Variants in ZNF385D observed in about 807,000 individuals in gnomAD.
ZNF385D encodes zinc finger protein 659.
Under a neutral mutation model 35.8 loss-of-function variants are expected in ZNF385D, and 15 were observed. The observed-to-expected ratio is 0.42, with a 90% CI of 0.28 to 0.64. The LOEUF (loss-of-function observed/expected upper bound fraction) is 0.64, where lower values mean the gene tolerates loss of function less well. Ranked by LOEUF, ZNF385D falls within the 30% of genes least tolerant of loss-of-function variation. The pLI is 0.23. For missense variants in ZNF385D, 474 were observed against 494.6 expected, an observed-to-expected ratio of 0.96 and a Z score of 0.39; for synonymous variants, 212 against 186.8, an observed-to-expected ratio of 1.13 and a Z score of -1.10.
chr3:21,785,299 A>C (rs951341959), intron 3 of ZNF385D, among the ~76,000 whole-genome samples: 27 of 152,180 alleles, frequency 1.8e-4, no homozygotes, highest in African/African-American at 6.5e-4. Flanking sequence ...TGATGATTTC[A>C]TATACATGCA....
chr3:22,095,612 CTA>C (rs1455513486), intron 3 of ZNF385D, among the ~76,000 whole-genome samples: 15 of 151,990 alleles, frequency 9.9e-5, no homozygotes, highest in Admixed American at 6.6e-5. Flanking sequence ...ACTAGTTTTT[CTA>C]TGACTTTTCC....
At chr3:22,154,161 G>A (rs990257567) in intron 3 of ZNF385D, among the ~76,000 whole-genome samples, 6 of 152,136 alleles carry the variant, frequency 3.9e-5, no homozygotes, top group African/African-American at 9.7e-5. Flanking sequence ...GGGTGTGGTT[G>A]TTTGGGTGCC....
At chr3:21,495,321 G>A (rs1705748102) in intron 4 of ZNF385D, among the ~76,000 whole-genome samples, 1 of 151,432 alleles carries the variant, frequency 6.6e-6, no homozygotes, top group South Asian at 2.1e-4. Flanking sequence ...CTAGAGAGCT[G>A]GCAGAGAAAT....
In ZNF385D at chr3:21,629,803, G is replaced by A. The variant is rs148729680; in HGVS notation, c.165+35083C>T. Among the ~76,000 whole-genome samples, 646 of 152,248 alleles carry A rather than the reference G, an allele frequency of 4.2e-3. 6 individuals carry two copies. The highest frequency in any genetic ancestry group is 0.015 in the African/African-American group (606 of 41,548). ...TTTTTAATATCTAGTCATGGATTAA[G>A]CAGAAAGAGGCAAAACTGGAACACA... On this transcript the variant is annotated intron_variant, in intron 2 of 7. Coordinates refer to ENST00000281523, the MANE Select transcript of ZNF385D (RefSeq NM_024697.3).
chr3:22,162,578 C>T (rs1343075520), intron 3 of ZNF385D, among the ~76,000 whole-genome samples: 1 of 152,144 alleles, frequency 6.6e-6, no homozygotes, highest in Admixed American at 6.6e-5. Context: ...GACAGCCCTA[C>T]CTGCCATGCT....
At chr3:21,741,974 G>A (rs73822040) in intron 1 of ZNF385D, among the ~76,000 whole-genome samples, 1 of 152,146 alleles carries the variant, frequency 6.6e-6, no homozygotes, top group African/African-American at 2.4e-5. Context: ...ATGAAGTAAC[G>A]AAATGCTTCT....
chr3:22,215,227 G>A (rs12490313), intron 2 of ZNF385D, among the ~76,000 whole-genome samples: 53,935 of 151,804 alleles, frequency 0.36, 9,978 homozygotes, highest in African/African-American at 0.44. Flanking sequence ...TGAACAATAC[G>A]AAATCTGGGC....
chr3:21,767,331 C>A (rs1245325461), intron 3 of ZNF385D, among the ~76,000 whole-genome samples: 1 of 151,694 alleles, frequency 6.6e-6, no homozygotes, highest in Non-Finnish European at 1.5e-5. Flanking sequence ...CTCATTCTTT[C>A]TCCTTTTAGC....
At chr3:22,320,251 C>T (rs1408824405) in intron 2 of ZNF385D, among the ~76,000 whole-genome samples, 1 of 152,062 alleles carries the variant, frequency 6.6e-6, no homozygotes, top group Non-Finnish European at 1.5e-5. Flanking sequence ...AGTTGCTCTG[C>T]AGCTGATTAA....
intron 2 of ZNF385D, among the ~76,000 whole-genome samples, chr3:22,295,330 G>A (rs1305072201): frequency 3.9e-5 from 6 of 152,142 alleles, no homozygotes; most frequent in Admixed American, 3.9e-4. Flanking sequence ...CACATGAGAT[G>A]TAGAATAGGC....
At chr3:22,166,226 T>A (rs1706319303) in intron 3 of ZNF385D, among the ~76,000 whole-genome samples, 2 of 128,664 alleles carry the variant, frequency 1.6e-5, no homozygotes, top group South Asian at 5.0e-4. Flanking sequence ...CTGAAAATGT[T>A]CTTACTAACA....
intron 3 of ZNF385D, among the ~76,000 whole-genome samples, chr3:22,087,917 C>T (rs891095645): frequency 6.6e-6 from 1 of 152,020 alleles, no homozygotes; most frequent in African/African-American, 2.4e-5. Flanking sequence ...CTCATGTTTC[C>T]TTTTATCAAC....
chr3:22,163,566 G>T (rs944871398), intron 3 of ZNF385D, among the ~76,000 whole-genome samples: 1 of 152,076 alleles, frequency 6.6e-6, no homozygotes, highest in African/African-American at 2.4e-5. Flanking sequence ...AATAGACTAT[G>T]CCTCAAGGCA....
In ZNF385D at chr3:22,194,557, A is replaced by G. The variant is rs886319751; in HGVS notation, c.107-25522T>C. On this transcript the variant is annotated intron_variant, in intron 2 of 5. Transcript: ENST00000494108. ...AGTAAAATTCACTGTCATTTTTGTA[A>G]AATTCCATAAATTTTAACATATATT... Among the ~76,000 whole-genome samples the G allele has an allele frequency of 3.3e-5, 5 of 151,810 alleles. No homozygotes were observed. The South Asian group carries it at 6.2e-4, about 19-fold the overall frequency.
intron 2 of ZNF385D, among the ~76,000 whole-genome samples, chr3:22,192,329 A>T (rs1436119784): frequency 6.6e-6 from 1 of 152,178 alleles, no homozygotes; most frequent in East Asian, 1.9e-4. Context: ...GTAGCCTGAG[A>T]AAATGAAGCT....
rs115639318 is a variant in ZNF385D at position 22,114,305 on chromosome 3, A to G, written c.325+54512T>C. On this transcript the variant is annotated intron_variant, in intron 3 of 5. Coordinates refer to the ZNF385D transcript ENST00000494108. ...CTTAATTCACATAACATTTGCATAT[A>G]TAAAATGTGATACGTAGAAAACTGA... is the stretch of plus-strand genomic sequence containing the variant. Among the ~76,000 whole-genome samples, 957 of 152,242 alleles carry G rather than the reference A, an allele frequency of 6.3e-3. 10 individuals carry two copies. The highest frequency in any genetic ancestry group is 0.019 in the African/African-American group (779 of 41,564).
intron 2 of ZNF385D, among the ~76,000 whole-genome samples, chr3:22,279,865 G>A (rs1701648666): frequency 6.6e-6 from 1 of 152,014 alleles, no homozygotes; most frequent in African/African-American, 2.4e-5. Context: ...TCTCCACACT[G>A]TTTTCCACAG....
intron 2 of ZNF385D, among the ~76,000 whole-genome samples, chr3:21,628,912 C>T (rs1048844615): frequency 1.3e-5 from 2 of 151,990 alleles, no homozygotes; most frequent in African/African-American, 2.4e-5. Flanking sequence ...ATATCCTTTC[C>T]AACTCCATGT....
chr3:22,201,015 G>C (rs1198807117), intron 2 of ZNF385D, among the ~76,000 whole-genome samples: 1 of 152,002 alleles, frequency 6.6e-6, no homozygotes, highest in East Asian at 1.9e-4. Flanking sequence ...AATTATTACA[G>C]GGTCCTGAGG....
Sources: gnomAD v4.1 joint callset for allele counts (sites outside exome capture counted in the v4.1 genomes callset) on GRCh38, gnomAD v4.1.1 for gene constraint, MANE v1.5 for transcripts, NCBI Gene and HGNC (gene_info 2026-07-23, HGNC 2026-07-21) for gene names.